RTL4: variants seen among roughly 807,000 people sequenced by gnomAD.
RTL4 encodes the protein retrotransposon Gag-like protein 4.
In RTL4, 4 loss-of-function variants were observed where a neutral mutation model predicts 5.3. That is an observed-to-expected ratio of 0.75 (90% CI 0.37 to 1.72). The LOEUF is 1.72. Ranked by LOEUF, RTL4 falls within the 40% of genes most tolerant of loss-of-function variation. The probability of loss-of-function intolerance (pLI) is 0.04; values close to 1 mark genes in which losing one functional copy is unlikely to be tolerated. For missense variants in RTL4, 260 were observed against 227.1 expected (o/e 1.14, Z -0.93); for synonymous variants, 98 against 87.3 (o/e 1.12, Z -0.68).
At chrX:112,258,549 T>G in the RTL4 span, among the ~76,000 whole-genome samples, 2 of 111,825 alleles carry the variant, frequency 1.8e-5, no homozygotes, top group African/African-American at 6.5e-5. Flanking sequence ...GTGAACCGTA[T>G]GTCCATGTTG....
chrX:112,224,046 C>T, the RTL4 span, among the ~76,000 whole-genome samples: 1 of 111,224 alleles, frequency 9.0e-6, no homozygotes, highest in African/African-American at 3.3e-5. Context: ...GTTATCTGCT[C>T]TCCTTGGCCT....
chrX:112,352,625 C>G, the RTL4 span, among the ~76,000 whole-genome samples: 3 of 111,135 alleles, frequency 2.7e-5, 1 homozygote, highest in Admixed American at 1.9e-4. Flanking sequence ...ACTGGCTAGC[C>G]CTATGTAGAA....
the RTL4 span, among the ~76,000 whole-genome samples, chrX:112,336,251 C>T: frequency 9.0e-6 from 1 of 111,494 alleles, no homozygotes; most frequent in Non-Finnish European, 1.9e-5. Context: ...TTGATTGTTT[C>T]CTTCTATTAC....
the RTL4 span, among the ~76,000 whole-genome samples, chrX:112,437,718 G>T: frequency 1.8e-4 from 20 of 108,284 alleles, no homozygotes; most frequent in Admixed American, 1.8e-3. Context: ...TTGTTTTCAT[G>T]ATTACATGAA....
the RTL4 span, among the ~76,000 whole-genome samples, chrX:112,289,728 C>A: frequency 9.0e-6 from 1 of 110,878 alleles, no homozygotes; most frequent in African/African-American, 3.3e-5. Flanking sequence ...TGTGACTGGG[C>A]TACTTTACGT....
chrX:112,090,553 G>C, the RTL4 span, among the ~76,000 whole-genome samples: 1 of 111,039 alleles, frequency 9.0e-6, no homozygotes, highest in African/African-American at 3.3e-5. Flanking sequence ...GATATTAATA[G>C]ATTTTTAAAG....
At chrX:112,381,505 C>A in the RTL4 span, 4 of 1,194,260 alleles carry the variant, frequency 3.3e-6, no homozygotes, top group Non-Finnish European at 4.5e-6. Context: ...AAAACAGATT[C>A]TTTCTGGAAT....
At chrX:112,421,454 AT>A in the RTL4 span, among the ~76,000 whole-genome samples, 1 of 112,112 alleles carries the variant, frequency 8.9e-6, no homozygotes, top group Non-Finnish European at 1.9e-5. Context: ...TGCCTTCTGA[AT>A]TATCATGAAC....
chrX:112,310,409 TATA>T, the RTL4 span, among the ~76,000 whole-genome samples: 7 of 26,742 alleles, frequency 2.6e-4, no homozygotes, highest in East Asian at 8.9e-3. Context: ...TATATATATA[TATA>T]TATTTAATAT....
At chrX:112,336,470 T>C in the RTL4 span, among the ~76,000 whole-genome samples, 49 of 112,205 alleles carry the variant, frequency 4.4e-4, no homozygotes, top group African/African-American at 1.5e-3. Context: ...TTCCTCTTGT[T>C]TGATATTTTG....
chrX:112,135,273 T>C, the RTL4 span, among the ~76,000 whole-genome samples: 1 of 111,987 alleles, frequency 8.9e-6, no homozygotes, highest in Non-Finnish European at 1.9e-5. Context: ...TATCTCATTA[T>C]GGTTTGAGTC....
chrX:112,091,469 T>A, the RTL4 span, among the ~76,000 whole-genome samples: 1 of 112,174 alleles, frequency 8.9e-6, no homozygotes, highest in Non-Finnish European at 1.9e-5. Flanking sequence ...TGTTTTTAAA[T>A]TTTTCTTGTG....
the RTL4 span, among the ~76,000 whole-genome samples, chrX:112,211,010 A>ACT: frequency 3.6e-5 from 4 of 112,123 alleles, no homozygotes; most frequent in Non-Finnish European, 7.5e-5. Flanking sequence ...GTGTTCTAAA[A>ACT]CTCTGTATAA....
the RTL4 span, among the ~76,000 whole-genome samples, chrX:112,118,717 TTATGAG>T: frequency 9.0e-6 from 1 of 111,644 alleles, no homozygotes; most frequent in African/African-American, 3.3e-5. Flanking sequence ...ATGCACATAT[TTATGAG>T]TATGAAGATG....
chrX:112,290,625 G>A, the RTL4 span, among the ~76,000 whole-genome samples: 1 of 112,412 alleles, frequency 8.9e-6, no homozygotes, highest in Non-Finnish European at 1.9e-5. Context: ...AGGTTCATAA[G>A]CTACTGCTAT....
chrX:112,142,960 C>T, the RTL4 span, among the ~76,000 whole-genome samples: 1 of 110,812 alleles, frequency 9.0e-6, no homozygotes, highest in Non-Finnish European at 1.9e-5. Flanking sequence ...TCCCGAGTAG[C>T]TGGGATTACA....
the RTL4 span, among the ~76,000 whole-genome samples, chrX:112,249,275 G>C: frequency 5.4e-5 from 6 of 111,834 alleles, no homozygotes; most frequent in African/African-American, 2.0e-4. Context: ...CAGATTTGAG[G>C]GTACAGGAAT....
the RTL4 span, among the ~76,000 whole-genome samples, chrX:112,092,132 C>A: frequency 9.0e-6 from 1 of 111,539 alleles, no homozygotes; most frequent in Admixed American, 9.5e-5. Context: ...TTTTAGATAG[C>A]GTATAGTTGA....
chrX:112,119,894 T>G, the RTL4 span, among the ~76,000 whole-genome samples: 2 of 112,432 alleles, frequency 1.8e-5, no homozygotes, highest in Non-Finnish European at 3.8e-5. Context: ...AATGTTCATC[T>G]GTTAATCATT....
Sources: allele counts gnomAD v4.1 joint callset (sites outside exome capture counted in the v4.1 genomes callset), GRCh38; gene constraint gnomAD v4.1.1; transcripts MANE v1.5; gene names NCBI Gene and HGNC (gene_info 2026-07-23, HGNC 2026-07-21).